Variants in UBE2G2 observed in about 807,000 individuals in gnomAD.
UBE2G2 encodes the protein ubiquitin conjugating enzyme E2 G2, also known as ubiquitin-conjugating enzyme E2 G2.
Under a neutral mutation model 23.0 loss-of-function variants are expected in UBE2G2, and 10 were observed. The observed-to-expected ratio is 0.43, with a 90% CI of 0.27 to 0.74. UBE2G2 has a LOEUF of 0.74. UBE2G2 is among the 30% of genes least tolerant of loss of function. UBE2G2 has a pLI of 0.19. For synonymous variants in UBE2G2, 86 were observed against 81.3 expected, an observed-to-expected ratio of 1.06 and a Z score of -0.31; for missense variants, 150 against 218.3, an observed-to-expected ratio of 0.69 and a Z score of 1.97.
Position 44,770,502 on chromosome 21 carries a change from C to G in UBE2G2, c.*875G>C, listed in dbSNP as rs11545488. ...GCGGGACTTCAGCTCACTGCTACCTCTGCCTCCCGGGTTCAAGCGATTCTC... is the reference window on the plus strand; with the variant it reads ...GCGGGACTTCAGCTCACTGCTACCTGTGCCTCCCGGGTTCAAGCGATTCTC... On this transcript the variant is annotated 3_prime_UTR_variant, in exon 6 of 6. Transcript: ENST00000345496. The G allele has an allele frequency of 1.3e-5, 2 of 152,276 alleles. No homozygotes were observed. Among genetic ancestry groups the G allele is most frequent in the Admixed American group, 6.5e-5 (1 of 15,290 alleles). The allele number at this position is 152,276 out of a possible 1,614,324, so 9.4% of individuals were successfully genotyped here.
At chr21:44,787,310 T>C (rs1226778132) in intron 3 of UBE2G2, among the ~76,000 whole-genome samples, 1 of 152,078 alleles carries the variant, frequency 6.6e-6, no homozygotes, top group Non-Finnish European at 1.5e-5. Flanking sequence ...CCAAGCAACG[T>C]CACCCTAAGT....
chr21:44,789,811 G>T (rs2083029625), intron 1 of UBE2G2, among the ~76,000 whole-genome samples: 1 of 152,114 alleles, frequency 6.6e-6, no homozygotes, highest in Admixed American at 6.5e-5. Context: ...ATTGGGAGGT[G>T]GGACCTTTGG....
intron 1 of UBE2G2, among the ~76,000 whole-genome samples, chr21:44,794,825 G>A (rs993021718): frequency 6.6e-6 from 1 of 152,046 alleles, no homozygotes. Flanking sequence ...GAGCCACTGC[G>A]CCCAGCCAAA....
chr21:44,772,969 A>G lies in UBE2G2; in HGVS notation c.385+578T>C, dbSNP rs141985480. On this transcript the variant is annotated intron_variant, in intron 5 of 5. Coordinates refer to ENST00000345496, the MANE Select transcript of UBE2G2 (RefSeq NM_003343.6). This position sits in a 1 kb window ranked among gnomAD's most constrained non-coding sequence, Gnocchi z 5.4. ...TGCAGCCTTGGCTCCAGCCAAAATG[A>G]GCTGGCAGTGCCCCCATCAAGTCAG... Among the ~76,000 whole-genome samples, 679 of 152,230 alleles carry G rather than the reference A, an allele frequency of 4.5e-3. 8 individuals are homozygous for G. The highest frequency in any genetic ancestry group is 0.016 in the African/African-American group (650 of 41,536).
chr21:44,781,181 G>T (rs1354100898), intron 3 of UBE2G2, among the ~76,000 whole-genome samples: 1 of 152,200 alleles, frequency 6.6e-6, no homozygotes, highest in Non-Finnish European at 1.5e-5. Flanking sequence ...ATGACTAAGG[G>T]ACGATGGCCC....
rs2083141107 is a variant in UBE2G2, at chr21:44,801,759, C to T, written c.-11G>A. ...CGCGGTCCCCGCCATGGCCCCGCAA[C>T]AGCTGCGCCGAGCGACCTCGCCTCA... On this transcript the variant is annotated 5_prime_UTR_variant, in exon 1 of 6. Coordinates refer to ENST00000345496, the MANE Select transcript of UBE2G2 (RefSeq NM_003343.6). The T allele has an allele frequency of 1.3e-6, 2 of 1,517,278 alleles. No homozygotes were observed. Among genetic ancestry groups the T allele is most frequent in the African/African-American group, 1.4e-5 (1 of 69,000 alleles). The allele number at this position is 1,517,278 out of a possible 1,614,324, so 94.0% of individuals were successfully genotyped here.
chr21:44,799,752 C>T lies in UBE2G2; in HGVS notation c.43+1954G>A, dbSNP rs530650801. Among the ~76,000 whole-genome samples the T allele has an allele frequency of 4.6e-5, 7 of 152,368 alleles. No individual in the cohort carries two copies. In the South Asian group the frequency reaches 1.4e-3, roughly 32 times the overall value. Reference sequence around the variant, plus strand: ...CAGCACTTCTAATTTCCTTTAAGAACTTTTCCTTTGCATTCACAACTTGGC... The same window carrying T: ...CAGCACTTCTAATTTCCTTTAAGAATTTTTCCTTTGCATTCACAACTTGGC... On this transcript the variant is annotated intron_variant, in intron 1 of 5. Transcript: ENST00000345496.
intron 3 of UBE2G2, among the ~76,000 whole-genome samples, chr21:44,784,155 C>T (rs1177251833): frequency 6.7e-6 from 1 of 149,394 alleles, no homozygotes; most frequent in African/African-American, 2.5e-5. Flanking sequence ...GACCATGTCT[C>T]CATAAGAAAG....
Position 44,781,547 on chromosome 21 carries a change from T to C in UBE2G2, c.126-4130A>G, listed in dbSNP as rs373975975. Reference sequence around the variant, plus strand: ...GTGGCTGTGCCAGGCAGTGAGGAGTTAAATAGAAACTGATCCCAATACCCT... The same window carrying C: ...GTGGCTGTGCCAGGCAGTGAGGAGTCAAATAGAAACTGATCCCAATACCCT... On this transcript the variant is annotated intron_variant, in intron 3 of 5. Transcript: ENST00000345496. 6.6e-5 allele frequency among the ~76,000 whole-genome samples: 10 copies of C among 152,306 alleles called. No individual in the cohort carries two copies. The South Asian group carries it at 1.9e-3, about 28-fold the overall frequency.
intron 1 of UBE2G2, 161 bp downstream of exon 1, chr21:44,801,545 G>A: frequency 1.7e-6 from 2 of 1,152,370 alleles, no homozygotes. Flanking sequence ...AGTGGGCAGC[G>A]GGCGCAGGGC....
intron 4 of UBE2G2, chr21:44,777,049 G>A: frequency 2.5e-6 from 1 of 403,958 alleles, no homozygotes. Flanking sequence ...CCCCAGTGAA[G>A]TAGGGTGGCT....
At chr21:44,777,134 T>C (rs1213461141) in intron 4 of UBE2G2, 165 bp downstream of exon 4, 8 of 623,930 alleles carry the variant, frequency 1.3e-5, no homozygotes, top group East Asian at 8.8e-5. Context: ...ATTGAAATCA[T>C]GTGCTTAATA....
chr21:44,792,976 G>A (rs1466640696), intron 1 of UBE2G2, among the ~76,000 whole-genome samples: 2 of 152,200 alleles, frequency 1.3e-5, no homozygotes, highest in South Asian at 2.1e-4. Context: ...GTACCAAGCC[G>A]ACTAAGACCT....
chr21:44,774,913 G>A (rs952266167), intron 4 of UBE2G2: 8 of 342,562 alleles, frequency 2.3e-5, no homozygotes, highest in African/African-American at 1.8e-4. Flanking sequence ...ACCTCTCGTG[G>A]ATCCACACAC....
chr21:44,776,555 T>C (rs987475419), intron 4 of UBE2G2, among the ~76,000 whole-genome samples: 1 of 152,238 alleles, frequency 6.6e-6, no homozygotes, highest in East Asian at 1.9e-4. Flanking sequence ...ATATATGATA[T>C]AGTTTGGGTG....
At chr21:44,796,127 T>C (rs1040829717) in intron 1 of UBE2G2, among the ~76,000 whole-genome samples, 1 of 152,220 alleles carries the variant, frequency 6.6e-6, no homozygotes, top group Non-Finnish European at 1.5e-5. Context: ...CACTTCTACC[T>C]GGGTCTATCT....
chr21:44,783,786 ACT>A (rs1207065210), intron 3 of UBE2G2, among the ~76,000 whole-genome samples: 1 of 152,178 alleles, frequency 6.6e-6, no homozygotes, highest in Non-Finnish European at 1.5e-5. Context: ...TGACTACAAA[ACT>A]CTAGAAATTT....
At chr21:44,778,807 C>A (rs1160520623) in intron 3 of UBE2G2, among the ~76,000 whole-genome samples, 2 of 152,186 alleles carry the variant, frequency 1.3e-5, no homozygotes, top group Non-Finnish European at 2.9e-5. Context: ...AAGTCCCTTC[C>A]TAAACAGCTC....
At position 44,788,287 on chromosome 21, in the gene UBE2G2, G is replaced by GTTTTTTTT. The variant is rs71326069; in HGVS notation, c.44-200_44-193dup. On this transcript the variant is annotated intron_variant, in intron 1 of 5. Transcript: ENST00000345496. ...GATAACAACTACACAAAGTTTTTTT[G>GTTTTTTTT]TTTTTTTTTTGTTTTTTTTTGAGAC... Among the ~76,000 whole-genome samples, 20 of 135,592 alleles carry GTTTTTTTT rather than the reference G, an allele frequency of 1.5e-4. 2 individuals are homozygous for GTTTTTTTT. The highest frequency in any genetic ancestry group is 2.2e-4 in the Non-Finnish European group (14 of 62,656). 89.0% of individuals were successfully genotyped at this position (135,592 alleles called of 152,430 possible).
Sources: allele counts gnomAD v4.1 joint callset (sites outside exome capture counted in the v4.1 genomes callset), GRCh38; gene constraint gnomAD v4.1.1; non-coding constraint Gnocchi (gnomAD v3.1); transcripts MANE v1.5; gene names NCBI Gene and HGNC (gene_info 2026-07-23, HGNC 2026-07-21).